Variants in ZNF148 observed in about 807,000 individuals in gnomAD.
ZNF148 encodes zinc finger protein 148.
In ZNF148, 7 loss-of-function variants were observed where a neutral mutation model predicts 67.7. The observed-to-expected ratio is 0.10, with a 90% CI of 0.06 to 0.19. The LOEUF (loss-of-function observed/expected upper bound fraction) is 0.19, where lower values mean the gene tolerates loss of function less well. ZNF148 is among the 10% of genes least tolerant of loss of function. The probability of loss-of-function intolerance (pLI) is 1.00; values close to 1 mark genes in which losing one functional copy is unlikely to be tolerated. For missense variants in ZNF148, 583 were observed against 947.1 expected, an observed-to-expected ratio of 0.62 and a Z score of 5.05; for synonymous variants, 333 against 330.7, an observed-to-expected ratio of 1.01 and a Z score of -0.08.
At chr3:125,340,996 A>C (rs2107734299) in intron 1 of ZNF148, among the ~76,000 whole-genome samples, 1 of 149,950 alleles carries the variant, frequency 6.7e-6, no homozygotes, top group African/African-American at 2.4e-5. Flanking sequence ...TCAAAAAAAA[A>C]AAAAAAAAAA....
intron 1 of ZNF148, among the ~76,000 whole-genome samples, chr3:125,342,020 T>C (rs769108214): frequency 6.7e-5 from 10 of 148,906 alleles, no homozygotes; most frequent in East Asian, 2.0e-4. Context: ...ATGGAAATCA[T>C]GGGGAAGAGA....
rs944226295 is a variant in ZNF148, at chr3:125,229,900, G to C, written c.*2441C>G. 2 of 152,564 alleles carry C rather than the reference G, an allele frequency of 1.3e-5. No individual in the cohort carries two copies. Among genetic ancestry groups the C allele is most frequent in the African/African-American group, 4.8e-5 (2 of 41,442 alleles). The allele number at this position is 152,564 out of a possible 1,614,324, so 9.5% of individuals were successfully genotyped here. On this transcript the variant is annotated 3_prime_UTR_variant, in exon 9 of 9. Coordinates refer to ENST00000360647, the MANE Select transcript of ZNF148 (RefSeq NM_021964.3). ...AGGCATTTGGAATTTCACAGTAAGAGAGTGATGACTATACGTAAATGGTAA... is the reference window on the plus strand; with the variant it reads ...AGGCATTTGGAATTTCACAGTAAGACAGTGATGACTATACGTAAATGGTAA...
intron 1 of ZNF148, among the ~76,000 whole-genome samples, chr3:125,343,304 C>CA (rs10706935): frequency 4.6e-5 from 7 of 150,900 alleles, no homozygotes; most frequent in African/African-American, 7.3e-5. Context: ...ATTTTAAAGA[C>CA]AAAAAAAAAG....
intron 4 of ZNF148, among the ~76,000 whole-genome samples, chr3:125,306,955 A>G (rs1939910166): frequency 6.6e-6 from 1 of 152,162 alleles, no homozygotes; most frequent in Admixed American, 6.5e-5. Flanking sequence ...TATGATAAAA[A>G]TATCAATCTT....
intron 7 of ZNF148, among the ~76,000 whole-genome samples, chr3:125,252,588 T>G (rs1351193594): frequency 6.6e-6 from 1 of 151,996 alleles, no homozygotes; most frequent in East Asian, 1.9e-4. Flanking sequence ...GCCAGCATGA[T>G]GAAACCCCAT....
intron 4 of ZNF148, among the ~76,000 whole-genome samples, chr3:125,303,862 A>G (rs1043542828): frequency 2.0e-5 from 3 of 152,080 alleles, no homozygotes; most frequent in Non-Finnish European, 4.4e-5. Context: ...GGGTTGCTGC[A>G]TAAAGTACTC....
intron 7 of ZNF148, among the ~76,000 whole-genome samples, chr3:125,240,333 C>T (rs995395470): frequency 2.0e-5 from 3 of 152,034 alleles, no homozygotes; most frequent in African/African-American, 7.2e-5. Flanking sequence ...CCCAAGCCAC[C>T]GTCTCTGAAT....
chr3:125,307,924 A>G (rs538632010), intron 4 of ZNF148, among the ~76,000 whole-genome samples: 69 of 151,176 alleles, frequency 4.6e-4, no homozygotes, highest in Non-Finnish European at 9.3e-4. Context: ...TAAAGTGCTG[A>G]GATTACAGGC....
chr3:125,326,940 T>A (rs924618378), intron 2 of ZNF148, among the ~76,000 whole-genome samples: 1 of 150,982 alleles, frequency 6.6e-6, no homozygotes, highest in African/African-American at 2.4e-5. Context: ...TAATTAAATA[T>A]GAATGGTCTA....
chr3:125,233,795 A>G lies in ZNF148; in HGVS notation c.931T>C (p.Ser311Pro), dbSNP rs572148190. The change falls in exon 9 of 9, where the codon TCA becomes CCA. Residue 311 changes from serine to proline, a missense_variant. Physicochemically the swap from Ser to Pro is moderately conservative, Grantham distance 74 (BLOSUM62 -1). Transcript: ENST00000360647. The surrounding 1 kb of genome is among the most constrained non-coding windows in gnomAD (Gnocchi z 5.1). ...SGFSTSPKDN[S>P]LPKKKRQKTE... ...TTCTGCCTTTTCTTTTTTGGCAGTGAGTTGTCTTTTGGTGATGTAGAAAAG... is the reference window on the plus strand; with the variant it reads ...TTCTGCCTTTTCTTTTTTGGCAGTGGGTTGTCTTTTGGTGATGTAGAAAAG... The G allele has an allele frequency of 1.2e-5, 19 of 1,613,716 alleles. No homozygotes were observed. The Admixed American group carries it at 1.5e-4, about 13-fold the overall frequency.
intron 4 of ZNF148, among the ~76,000 whole-genome samples, chr3:125,300,722 T>C (rs1939540933): frequency 6.6e-6 from 1 of 152,248 alleles, no homozygotes; most frequent in Non-Finnish European, 1.5e-5. Flanking sequence ...ATTTTTTAGA[T>C]AGTTCCTACT....
At chr3:125,234,008 CAA>C in intron 8 of ZNF148, 69 bp from the exon 9 acceptor site, 1 of 1,498,000 alleles carries the variant, frequency 6.7e-7, no homozygotes, top group Non-Finnish European at 8.9e-7. Flanking sequence ...AAAAGTGAAA[CAA>C]AACAATTAAT....
chr3:125,271,711 T>C (rs1213171272), intron 7 of ZNF148, among the ~76,000 whole-genome samples: 1 of 152,200 alleles, frequency 6.6e-6, no homozygotes, highest in African/African-American at 2.4e-5. Flanking sequence ...GTTACAGTGC[T>C]TGGTGGAGAA....
chr3:125,302,102 T>C (rs1939621771), intron 4 of ZNF148, among the ~76,000 whole-genome samples: 1 of 148,138 alleles, frequency 6.8e-6, no homozygotes, highest in South Asian at 2.2e-4. Flanking sequence ...CATGGCCAGT[T>C]GTGGTGGCTC....
chr3:125,373,326 G>C (rs1942951113), intron 1 of ZNF148, among the ~76,000 whole-genome samples: 2 of 151,462 alleles, frequency 1.3e-5, no homozygotes, highest in African/African-American at 4.8e-5. Flanking sequence ...CCTGACCTCA[G>C]GTGATCCGCT....
chr3:125,359,437 ACT>A lies in ZNF148; in HGVS notation c.-234+15663_-234+15664del, dbSNP rs1942468486. Among the ~76,000 whole-genome samples the A allele has an allele frequency of 3.9e-5, 6 of 151,972 alleles. No individual in the cohort carries two copies. In the South Asian group the frequency reaches 1.2e-3, roughly 32 times the overall value. On this transcript the variant is annotated intron_variant, in intron 1 of 8. Coordinates refer to ENST00000360647, the MANE Select transcript of ZNF148 (RefSeq NM_021964.3). ...TCTCTCTGAAACATGAACATCAAAA[ACT>A]CTGATATGGGCCATGCACAGTGGCT...
In ZNF148 at chr3:125,233,488, G is replaced by A. The variant is rs1452600760; in HGVS notation, c.1238C>T (p.Pro413Leu). 3 of 1,613,740 alleles carry A rather than the reference G, an allele frequency of 1.9e-6. No individual in the cohort carries two copies. The highest frequency in any genetic ancestry group is 1.3e-5 in the African/African-American group (1 of 74,884). The change falls in exon 9 of 9, where the codon CCT becomes CTT. Residue 413 changes from proline to leucine, a missense_variant. Pro to Leu is a moderately conservative substitution (Grantham distance 98). Around this residue, in one of 5 missense-constraint regions of ZNF148, gnomAD observed 172 missense variants for 307.7 expected, o/e 0.56. Transcript: ENST00000360647. This position sits in a 1 kb window ranked among gnomAD's most constrained non-coding sequence, Gnocchi z 5.1. ...TTTGCTCTCTTCATATGTGGATAAA[G>A]GTGAAATTGTTTGATTTTGCTCCAG... ...QPLEQNQTIS[P>L]LSTYEESKVS...
At chr3:125,244,410 C>T (rs976863971) in intron 7 of ZNF148, among the ~76,000 whole-genome samples, 3 of 152,130 alleles carry the variant, frequency 2.0e-5, no homozygotes, top group African/African-American at 7.2e-5. Flanking sequence ...CCATTCCATC[C>T]GGCTGCTGCA....
intron 4 of ZNF148, among the ~76,000 whole-genome samples, chr3:125,300,356 G>A (rs929082588): frequency 1.3e-5 from 2 of 152,124 alleles, no homozygotes; most frequent in Non-Finnish European, 2.9e-5. Flanking sequence ...GGACCCAACA[G>A]CCAGTGCAAA....
Sources: allele counts gnomAD v4.1 joint callset (sites outside exome capture counted in the v4.1 genomes callset), GRCh38; gene constraint gnomAD v4.1.1; regional missense constraint gnomAD v4.1.1; non-coding constraint Gnocchi (gnomAD v3.1); transcripts MANE v1.5; gene names NCBI Gene and HGNC (gene_info 2026-07-23, HGNC 2026-07-21).